C14orf39: variants seen among roughly 807,000 people sequenced by gnomAD.
The protein encoded by C14orf39 is protein SIX6OS1.
In C14orf39, 66 loss-of-function variants were observed where a neutral mutation model predicts 85.6. The observed-to-expected ratio is 0.77, with a 90% confidence interval of 0.63 to 0.95. The LOEUF is 0.95. C14orf39 is among the 40% of genes least tolerant of loss of function. C14orf39 has a pLI of 0.00. For synonymous variants in C14orf39, 242 were observed against 214.0 expected (o/e 1.13, Z -1.14); for missense variants, 735 against 663.9 (o/e 1.11, Z -1.18).
rs1040422124 is a variant in C14orf39 at position 60,457,075 on chromosome 14, A to G, written c.1200T>C (p.Phe400=). 2.0e-5 allele frequency: 32 copies of G among 1,597,910 alleles called. No individual in the cohort carries two copies. The highest frequency in any genetic ancestry group is 2.7e-5 in the Non-Finnish European group (32 of 1,173,118). The part of the protein sequence containing the change: ...CTSQAIYTEH[F]GKSVENDSDE... ...CACTATCATTTTCTACTGACTTCCC[A>G]AAATGTTCAGTATATATAGCCTGCA... The change falls in exon 15 of 18, where the codon TTT becomes TTC. Residue 400 remains phenylalanine (F), a synonymous_variant. Transcript: ENST00000321731.
chr14:60,470,377 C>G (rs527748932), intron 7 of C14orf39, among the ~76,000 whole-genome samples: 1 of 152,026 alleles, frequency 6.6e-6, no homozygotes, highest in Non-Finnish European at 1.5e-5. Flanking sequence ...CTTTCCTATT[C>G]TGCCTTAAAA....
chr14:60,503,646 T>C (rs893142640), intron 1 of C14orf39, among the ~76,000 whole-genome samples: 1 of 152,240 alleles, frequency 6.6e-6, no homozygotes, highest in Non-Finnish European at 1.5e-5. Context: ...CATTGTTCTC[T>C]GTCCCACTAA....
rs188096951 is a variant in C14orf39, at chr14:60,456,851, C to G, written c.1358+66G>C. The G allele has an allele frequency of 1.1e-4, 144 of 1,351,286 alleles. 1 individual carries two copies. The highest frequency in any genetic ancestry group is 1.4e-4 in the Non-Finnish European group (141 of 997,372). 83.7% of individuals were successfully genotyped at this position (1,351,286 alleles called of 1,614,324 possible). On this transcript the variant is annotated intron_variant, in intron 15 of 17. Transcript: ENST00000321731. ...TAAAGGTACTAAGCATTTTACTATT[C>G]CTATCAGTTATTTATGTAATTCAAC...
intron 7 of C14orf39, 124 bp from the exon 8 acceptor site, chr14:60,469,777 A>G (rs1891982594): frequency 6.6e-6 from 3 of 454,788 alleles, no homozygotes; most frequent in African/African-American, 6.1e-5. Flanking sequence ...ACAGTAAGCA[A>G]TATTAAAAAC....
At chr14:60,467,673 T>C (rs935464204) in intron 9 of C14orf39, among the ~76,000 whole-genome samples, 1 of 151,760 alleles carries the variant, frequency 6.6e-6, no homozygotes, top group Non-Finnish European at 1.5e-5. Context: ...AACTTCATTA[T>C]AAAATTAAAG....
chr14:60,451,021 A>G (rs975451413), intron 16 of C14orf39, among the ~76,000 whole-genome samples: 4 of 152,204 alleles, frequency 2.6e-5, no homozygotes, highest in Non-Finnish European at 4.4e-5. Context: ...TGTGAAGACT[A>G]CAGTAAATAC....
At chr14:60,492,999 C>CA (rs1240653705) in intron 2 of C14orf39, among the ~76,000 whole-genome samples, 2 of 151,982 alleles carry the variant, frequency 1.3e-5, no homozygotes, top group Non-Finnish European at 2.9e-5. Context: ...AAAAAAAACT[C>CA]AGATTTTCAA....
intron 1 of C14orf39, among the ~76,000 whole-genome samples, chr14:60,500,661 A>G (rs1893130940): frequency 6.6e-6 from 1 of 152,206 alleles, no homozygotes; most frequent in Admixed American, 6.5e-5. Context: ...AGGCTATAAA[A>G]CAGTATGGAT....
intron 16 of C14orf39, among the ~76,000 whole-genome samples, chr14:60,443,042 T>G (rs1890595425): frequency 6.6e-6 from 1 of 151,598 alleles, no homozygotes; most frequent in Non-Finnish European, 1.5e-5. Context: ...AAGTTTAGAT[T>G]TTGGGGTCGC....
chr14:60,513,356 A>T (rs1025211875), intron 1 of C14orf39, among the ~76,000 whole-genome samples: 9 of 152,138 alleles, frequency 5.9e-5, no homozygotes, highest in Admixed American at 4.6e-4. Flanking sequence ...AATGCTAACG[A>T]GGGGCTGGCG....
intron 4 of C14orf39, among the ~76,000 whole-genome samples, chr14:60,481,435 T>G (rs566432951): frequency 4.6e-5 from 7 of 152,184 alleles, no homozygotes; most frequent in African/African-American, 1.7e-4. Context: ...AGTGGGAGGA[T>G]CACTTGAGTC....
chr14:60,509,255 A>G (rs1487031720), intron 1 of C14orf39: 4 of 723,754 alleles, frequency 5.5e-6, no homozygotes, highest in Non-Finnish European at 7.1e-6. Context: ...CCGGCCGTTG[A>G]GCCACCGCCG....
intron 5 of C14orf39, among the ~76,000 whole-genome samples, chr14:60,477,607 T>G (rs1892444344): frequency 6.6e-6 from 1 of 152,142 alleles, no homozygotes; most frequent in South Asian, 2.1e-4. Context: ...AAATCAGCTG[T>G]CTAAAAAACA....
At chr14:60,490,487 A>G (rs1412591981), upstream of C14orf39, among the ~76,000 whole-genome samples, 1 of 147,378 alleles carries the variant, frequency 6.8e-6, no homozygotes, top group Admixed American at 6.8e-5. Context: ...AAATAAATAA[A>G]TAGGTGCACA....
chr14:60,449,853 T>C (rs1890953403), intron 16 of C14orf39, among the ~76,000 whole-genome samples: 1 of 152,244 alleles, frequency 6.6e-6, no homozygotes, highest in Non-Finnish European at 1.5e-5. Context: ...TTAAAGCTAT[T>C]TTTTGCTCTG....
At chr14:60,492,283 C>T (rs1475304694) in intron 2 of C14orf39, among the ~76,000 whole-genome samples, 1 of 152,134 alleles carries the variant, frequency 6.6e-6, no homozygotes, top group Non-Finnish European at 1.5e-5. Flanking sequence ...CCTTGTTAAA[C>T]CATTAGAGCA....
chr14:60,474,330 A>G (rs1281985524), intron 5 of C14orf39, among the ~76,000 whole-genome samples: 1 of 151,604 alleles, frequency 6.6e-6, no homozygotes, highest in African/African-American at 2.4e-5. Context: ...TAGATATACA[A>G]TCATGTCATC....
upstream of C14orf39, among the ~76,000 whole-genome samples, chr14:60,489,472 A>G (rs1423133756): frequency 1.3e-5 from 2 of 152,246 alleles, no homozygotes; most frequent in African/African-American, 2.4e-5. Flanking sequence ...CCCAGCACAT[A>G]GTATATAGAA....
upstream of C14orf39, among the ~76,000 whole-genome samples, chr14:60,490,032 C>G (rs566444468): frequency 1.3e-5 from 2 of 152,136 alleles, no homozygotes; most frequent in African/African-American, 4.8e-5. Context: ...CTTAAAACAC[C>G]GCAGTAGCTG....
Sources: allele counts gnomAD v4.1 joint callset (sites outside exome capture counted in the v4.1 genomes callset), GRCh38; gene constraint gnomAD v4.1.1; transcripts MANE v1.5; gene names NCBI Gene and HGNC (gene_info 2026-07-23, HGNC 2026-07-21).